GNAT3: variants seen among roughly 807,000 people sequenced by gnomAD.
The protein encoded by GNAT3 is G protein subunit alpha transducin 3.
In GNAT3, 31 loss-of-function variants were observed where a neutral mutation model predicts 37.7. That is an observed-to-expected ratio of 0.82 (90% CI 0.62 to 1.11). GNAT3 has a LOEUF of 1.11. Among genes scored for constraint, GNAT3 ranks in the 50% most tolerant of loss-of-function variants. The pLI is 0.00. For missense variants in GNAT3, 437 were observed against 412.5 expected (o/e 1.06, Z -0.51); for synonymous variants, 138 against 139.8 (o/e 0.99, Z 0.09).
At chr7:80,488,939 G>A (rs1011004589) in intron 2 of GNAT3, among the ~76,000 whole-genome samples, 1 of 151,964 alleles carries the variant, frequency 6.6e-6, no homozygotes, top group Non-Finnish European at 1.5e-5. Flanking sequence ...TTTTTAAAAT[G>A]GGTAAATCAT....
intron 1 of GNAT3, among the ~76,000 whole-genome samples, chr7:80,498,788 G>A (rs1024388472): frequency 2.9e-4 from 44 of 151,934 alleles, no homozygotes; most frequent in African/African-American, 1.0e-3. Context: ...AACAAGATAT[G>A]CATCTGTTTC....
At chr7:80,504,512 T>A (rs1208355598) in intron 1 of GNAT3, among the ~76,000 whole-genome samples, 2 of 152,192 alleles carry the variant, frequency 1.3e-5, no homozygotes, top group African/African-American at 2.4e-5. Context: ...AAAAACATTT[T>A]AAAAGATATC....
At chr7:80,510,897 A>G (rs1351715838) in intron 1 of GNAT3, among the ~76,000 whole-genome samples, 1 of 152,198 alleles carries the variant, frequency 6.6e-6, no homozygotes, top group Non-Finnish European at 1.5e-5. Flanking sequence ...TATGTGAAAT[A>G]TGCACGATTC....
At chr7:80,494,530 AG>A (rs1427474224) in intron 2 of GNAT3, 74 bp downstream of exon 2, 1 of 788,428 alleles carries the variant, frequency 1.3e-6, no homozygotes, top group Non-Finnish European at 2.1e-6. Flanking sequence ...CATTTACAAA[AG>A]CATGTATTTT....
At chr7:80,502,859 T>C (rs1238444864) in intron 1 of GNAT3, among the ~76,000 whole-genome samples, 1 of 152,112 alleles carries the variant, frequency 6.6e-6, no homozygotes, top group Non-Finnish European at 1.5e-5. Context: ...ACCGTCCACA[T>C]GCAGTCTGCC....
At chr7:80,468,522 T>C (rs961929220) in intron 5 of GNAT3, among the ~76,000 whole-genome samples, 1 of 152,094 alleles carries the variant, frequency 6.6e-6, no homozygotes, top group African/African-American at 2.4e-5. Flanking sequence ...TTCTATTGAA[T>C]GGGATTTATT....
At chr7:80,489,631 T>C (rs1790554242) in intron 2 of GNAT3, among the ~76,000 whole-genome samples, 1 of 152,164 alleles carries the variant, frequency 6.6e-6, no homozygotes, top group Non-Finnish European at 1.5e-5. Flanking sequence ...CCTATATTTG[T>C]TATTTGTTGT....
At chr7:80,490,012 G>A (rs1017835176) in intron 2 of GNAT3, among the ~76,000 whole-genome samples, 18 of 152,172 alleles carry the variant, frequency 1.2e-4, no homozygotes, top group Non-Finnish European at 1.8e-4. Context: ...AAACAACATC[G>A]TTTTTCCAGG....
chr7:80,466,289 AC>A (rs1268749181), intron 5 of GNAT3, among the ~76,000 whole-genome samples: 1 of 152,090 alleles, frequency 6.6e-6, no homozygotes, highest in Non-Finnish European at 1.5e-5. Context: ...AGTCTTGTCA[AC>A]CTTTGTAGTC....
intron 3 of GNAT3, among the ~76,000 whole-genome samples, chr7:80,485,376 C>T (rs1461206886): frequency 6.6e-6 from 1 of 152,124 alleles, no homozygotes; most frequent in African/African-American, 2.4e-5. Context: ...TAATTGCTTA[C>T]ATATGTAGAT....
At chr7:80,499,769 A>G (rs748793033) in intron 1 of GNAT3, among the ~76,000 whole-genome samples, 50 of 151,262 alleles carry the variant, frequency 3.3e-4, no homozygotes, top group Non-Finnish European at 4.1e-4. Flanking sequence ...TTGGAACTAA[A>G]TAGATATGAG....
Position 80,462,288 on chromosome 7 carries a change from G to A in GNAT3, c.745C>T (p.Leu249=). 6.2e-7 allele frequency: 1 copy of A among 1,613,046 alleles called. No individual in the cohort carries two copies. Residue 249 remains leucine (L), a synonymous_variant, in exon 7 of 8, where the codon CTG becomes TTG. Coordinates refer to ENST00000398291, the MANE Select transcript of GNAT3 (RefSeq NM_001102386.3). ...EVNRMHESLH[L]FNSICNHKYF... is the part of the protein sequence containing the mutation. ...TTGTGATTACAGATACTGTTGAACA[G>A]GTGAAGGCTTTCATGCATTCTATTC...
In GNAT3 at chr7:80,499,096, G is replaced by T. The variant is rs1160388288; in HGVS notation, c.119-4449C>A. Among the ~76,000 whole-genome samples, 3 of 151,988 alleles carry T rather than the reference G, an allele frequency of 2.0e-5. No homozygotes were observed. The East Asian group carries it at 5.8e-4, about 29-fold the overall frequency. On this transcript the variant is annotated intron_variant, in intron 1 of 7. Transcript: ENST00000398291. ...CACATAAGATTTTTTTTTGTAGGTG[G>T]TCTTAAAAATCACATAATTGTATAG...
chr7:80,510,146 C>G (rs1791039293), intron 1 of GNAT3, among the ~76,000 whole-genome samples: 1 of 152,118 alleles, frequency 6.6e-6, no homozygotes, highest in Non-Finnish European at 1.5e-5. Context: ...CCCCAACCAC[C>G]CTAGCCCCTA....
rs1220821769 is a variant in GNAT3 at position 80,462,603 on chromosome 7, C to G, written c.619G>C (p.Glu207Gln). ...RMFDVGGQRSERKKWIHCFEG... is the reference protein window; with the variant it reads ...RMFDVGGQRSQRKKWIHCFEG... ...AAGCAGTGAATCCACTTCTTTCTCT[C>G]AGATCTCTGTCCACCTACATCAAAC... The change falls in exon 6 of 8, where the codon GAG becomes CAG. Residue 207 changes from glutamate to glutamine, a missense_variant. Transcript: ENST00000398291. 6.2e-7 allele frequency: 1 copy of G among 1,612,178 alleles called. No individual in the cohort carries two copies. The highest frequency in any genetic ancestry group is 1.1e-5 in the South Asian group (1 of 90,900).
chr7:80,499,442 T>C (rs1426277251), intron 1 of GNAT3, among the ~76,000 whole-genome samples: 2 of 152,038 alleles, frequency 1.3e-5, no homozygotes, highest in Non-Finnish European at 2.9e-5. Context: ...TTGAGTGCAG[T>C]AGCATGATCA....
At chr7:80,470,484 G>A (rs1199333876) in intron 5 of GNAT3, among the ~76,000 whole-genome samples, 2 of 152,280 alleles carry the variant, frequency 1.3e-5, no homozygotes, top group East Asian at 3.9e-4. Flanking sequence ...GCCTCTCAAA[G>A]TGCTGGGATT....
At chr7:80,493,800 T>A (rs13310135) in intron 2 of GNAT3, among the ~76,000 whole-genome samples, 548 of 41,718 alleles carry the variant, frequency 0.013, 6 homozygotes, top group African/African-American at 0.041. Flanking sequence ...TTCCTCCTCC[T>A]CCTCTTTCCT....
At chr7:80,486,401 C>G (rs1454358507) in intron 3 of GNAT3, 3 of 151,346 alleles carry the variant, frequency 2.0e-5, no homozygotes, top group Admixed American at 2.0e-4. Flanking sequence ...TTTTCACTTC[C>G]CCTATATGTC....
Sources: gnomAD v4.1 joint callset for allele counts (sites outside exome capture counted in the v4.1 genomes callset) on GRCh38, gnomAD v4.1.1 for gene constraint, MANE v1.5 for transcripts, NCBI Gene and HGNC (gene_info 2026-07-23, HGNC 2026-07-21) for gene names.